KIF9: variants seen among roughly 807,000 people sequenced by gnomAD.
KIF9 encodes the protein kinesin-like protein KIF9.
A neutral mutation model predicts 94.8 loss-of-function variants in KIF9; 68 were observed. The ratio of observed to expected loss-of-function variants is 0.72; its 90% CI spans 0.59 to 0.88. KIF9 has a LOEUF of 0.88. Ranked by LOEUF, KIF9 falls within the 40% of genes least tolerant of loss-of-function variation. The pLI is 0.00. For synonymous variants in KIF9, 343 were observed against 362.1 expected, an observed-to-expected ratio of 0.95 and a Z score of 0.60; for missense variants, 882 against 982.5, an observed-to-expected ratio of 0.90 and a Z score of 1.37.
chr3:47,249,142 C>A (rs971966708), intron 10 of KIF9, among the ~76,000 whole-genome samples: 2 of 140,250 alleles, frequency 1.4e-5, no homozygotes, highest in African/African-American at 2.5e-5. Context: ...ATGTATGTCA[C>A]CTCTAATTTT....
intron 5 of KIF9, among the ~76,000 whole-genome samples, chr3:47,270,050 G>C (rs1209771149): frequency 1.3e-5 from 2 of 151,804 alleles, no homozygotes; most frequent in African/African-American, 4.8e-5. Context: ...TTACAGGCAT[G>C]AGCCACCGTG....
At chr3:47,271,151 GAAAAA>G in intron 5 of KIF9, 81 bp downstream of exon 5, 1 of 184,070 alleles carries the variant, frequency 5.4e-6, no homozygotes, top group South Asian at 8.4e-5. Context: ...CTCAAAAAAA[GAAAAA>G]GAAAAAGAAA....
intron 5 of KIF9, among the ~76,000 whole-genome samples, chr3:47,268,220 A>G (rs1701412697): frequency 6.6e-6 from 1 of 152,166 alleles, no homozygotes. Context: ...TCTAATTTAC[A>G]GGAGGAGGCC....
intron 9 of KIF9, among the ~76,000 whole-genome samples, chr3:47,261,112 G>C (rs933369878): frequency 2.0e-5 from 3 of 152,258 alleles, no homozygotes; most frequent in Admixed American, 2.0e-4. Flanking sequence ...GTTAGCCTTT[G>C]CTACTCAGTA....
At chr3:47,261,996 C>A (rs1252138307) in intron 9 of KIF9, among the ~76,000 whole-genome samples, 1 of 152,206 alleles carries the variant, frequency 6.6e-6, no homozygotes, top group African/African-American at 2.4e-5. Context: ...AGCTTCCATA[C>A]CCCCAATATA....
chr3:47,257,648 T>C (rs2107354251), intron 9 of KIF9, 88 bp from the exon 10 acceptor site: 2 of 1,143,884 alleles, frequency 1.7e-6, no homozygotes, highest in Non-Finnish European at 1.3e-6. Context: ...TTGCCTGCCC[T>C]TTCCTGGCTC....
chr3:47,265,923 G>T, intron 7 of KIF9, 46 bp from the exon 8 acceptor site: 1 of 1,605,118 alleles, frequency 6.2e-7, no homozygotes, highest in Non-Finnish European at 8.5e-7. Context: ...TAAAGCAGCT[G>T]CCCCACTAAG....
At chr3:47,270,970 C>T (rs1210813895) in intron 5 of KIF9, among the ~76,000 whole-genome samples, 1 of 114,198 alleles carries the variant, frequency 8.8e-6, no homozygotes, top group Admixed American at 9.8e-5. Context: ...CAGACCTTGT[C>T]TCTACAAAAA....
intron 20 of KIF9, among the ~76,000 whole-genome samples, chr3:47,230,929 T>C (rs537108621): frequency 1.3e-4 from 20 of 152,200 alleles, no homozygotes; most frequent in African/African-American, 3.9e-4. Context: ...TCCCAGCTAC[T>C]TGGGAGGCTG....
chr3:47,243,110 T>C lies in KIF9; in HGVS notation c.1650A>G (p.Glu550=), dbSNP rs1323481299. 6.2e-7 allele frequency: 1 copy of C among 1,613,728 alleles called. No homozygotes were observed. The highest frequency in any genetic ancestry group is 1.1e-5 in the South Asian group (1 of 91,062). The change falls in exon 16 of 21, where the codon GAA becomes GAG. Residue 550 remains glutamate (E), a synonymous_variant. Transcript: ENST00000684063. ...DVKDMLSRDR[E]TSSIEPLPSD... is the part of the protein sequence containing the mutation. ...AGGGAAGGGGCTCAATGCTGGAAGT[T>C]TCCCGGTCCCGCGAAAGCATGTCTT...
At chr3:47,238,483 T>G (rs1031756952) in intron 17 of KIF9, 3 of 152,056 alleles carry the variant, frequency 2.0e-5, no homozygotes, top group Admixed American at 6.6e-5. Flanking sequence ...CCTCCCAAAG[T>G]GCTGAGATTA....
At chr3:47,236,344 C>T (rs1387175772) in intron 18 of KIF9, 99 bp downstream of exon 18, 2 of 1,371,532 alleles carry the variant, frequency 1.5e-6, no homozygotes, top group Admixed American at 1.9e-5. Context: ...CTGGCTCTGC[C>T]AGAGAGAAAC....
intron 3 of KIF9, among the ~76,000 whole-genome samples, chr3:47,274,950 T>C (rs1701865092): frequency 6.6e-6 from 1 of 152,236 alleles, no homozygotes; most frequent in Admixed American, 6.5e-5. Context: ...TGTACATTGA[T>C]TGTGTTGGTA....
chr3:47,253,967 G>A (rs1238943884), intron 10 of KIF9, among the ~76,000 whole-genome samples: 1 of 152,192 alleles, frequency 6.6e-6, no homozygotes, highest in African/African-American at 2.4e-5. Flanking sequence ...AATGTCTCTA[G>A]ACTATATATA....
chr3:47,273,422 G>A lies in KIF9; in HGVS notation c.366+130C>T. The stretch of plus-strand genomic sequence containing the variant: ...CAGAGCCCTGTGTATGTTGTCTCCA[G>A]TACCAGTATCCACTGCAACTCCTTT... On this transcript the variant is annotated intron_variant, in intron 4 of 20. Coordinates refer to ENST00000684063, the MANE Select transcript of KIF9 (RefSeq NM_182902.4). 4.6e-6 allele frequency: 3 copies of A among 651,820 alleles called. No homozygotes were observed. In the South Asian group the frequency reaches 5.8e-5, roughly 13 times the overall value. 40.4% of individuals were successfully genotyped at this position (651,820 alleles called of 1,614,324 possible).
In KIF9 at chr3:47,282,562, G is replaced by C; in HGVS notation, c.-73C>G. ...CCGAAACCACCTGCACTCCCCACGC[G>C]GGGCTGCCTGGCTGTGTACATAGTC... On this transcript the variant is annotated 5_prime_UTR_variant, in exon 1 of 21. Transcript: ENST00000684063. 9.8e-7 allele frequency: 1 copy of C among 1,018,908 alleles called. No homozygotes were observed. The allele number at this position is 1,018,908 out of a possible 1,614,324, so 63.1% of individuals were successfully genotyped here.
chr3:47,271,090 G>A, intron 5 of KIF9, 147 bp downstream of exon 5: 1 of 633,924 alleles, frequency 1.6e-6, no homozygotes, highest in East Asian at 2.8e-5. Flanking sequence ...GCTGCAGTGA[G>A]CCATGTTCAT....
In KIF9 at chr3:47,239,745, G is replaced by C. The variant is rs531792654; in HGVS notation, c.1924+1056C>G. Reference sequence around the variant, plus strand: ...TAGGATTACAAGTGTGTGCCACCACGCCCTGCTCCTCTGAGAAATAAATGA... The same window carrying C: ...TAGGATTACAAGTGTGTGCCACCACCCCCTGCTCCTCTGAGAAATAAATGA... On this transcript the variant is annotated intron_variant, in intron 17 of 20. Coordinates refer to ENST00000684063, the MANE Select transcript of KIF9 (RefSeq NM_182902.4). The C allele has an allele frequency of 4.1e-5, 53 of 1,307,002 alleles. No homozygotes were observed. In the South Asian group the frequency reaches 6.7e-4, roughly 17 times the overall value. The allele number at this position is 1,307,002 out of a possible 1,614,324, so 81.0% of individuals were successfully genotyped here.
chr3:47,244,853 G>A lies in KIF9; in HGVS notation c.1452C>T (p.Ala484=), dbSNP rs1463500149. The A allele has an allele frequency of 1.2e-6, 2 of 1,614,130 alleles. No homozygotes were observed. Among genetic ancestry groups the A allele is most frequent in the Non-Finnish European group, 1.7e-6 (2 of 1,180,028 alleles). ...PEGQNFGLGV[A]PFSTKPGKKA... ...TCTTCCCAGGTTTGGTAGAGAAAGG[G>A]GCGACTCCGAGTCCAAAGTTTTGTC... Residue 484 remains alanine, a synonymous_variant, in exon 15 of 21, where the codon GCC becomes GCT. Coordinates refer to ENST00000684063, the MANE Select transcript of KIF9 (RefSeq NM_182902.4).
Sources: allele counts gnomAD v4.1 joint callset (sites outside exome capture counted in the v4.1 genomes callset), GRCh38; gene constraint gnomAD v4.1.1; transcripts MANE v1.5; gene names NCBI Gene and HGNC (gene_info 2026-07-23, HGNC 2026-07-21).